Variants in CEP76 observed in about 807,000 individuals in gnomAD.
CEP76 encodes centrosomal protein of 76 kDa.
A neutral mutation model predicts 83.3 loss-of-function variants in CEP76; 55 were observed. The observed-to-expected ratio is 0.66, with a 90% confidence interval of 0.53 to 0.83. The LOEUF is 0.83. Ranked by LOEUF, CEP76 falls within the 40% of genes least tolerant of loss-of-function variation. CEP76 has a pLI of 0.00. For synonymous variants in CEP76, 270 were observed against 274.5 expected (o/e 0.98, Z 0.16); for missense variants, 694 against 799.5 (o/e 0.87, Z 1.59).
chr18:12,680,769 T>C lies in CEP76; in HGVS notation c.1182A>G (p.Glu394=), dbSNP rs1314864692. 2 of 1,613,494 alleles carry C rather than the reference T, an allele frequency of 1.2e-6. No individual in the cohort carries two copies. The highest frequency in any genetic ancestry group is 1.7e-6 in the Non-Finnish European group (2 of 1,179,780). The part of the protein sequence containing the change: ...LCSLLLGYGL[E]AFVCVGTKAK... ...CCTTGGTCCCAACACAAACAAAGGC[T>C]TCTAATCCATATCCAAGAAGAAGGC... The change falls in exon 9 of 12, where the codon GAA becomes GAG. Residue 394 remains glutamate (E), a synonymous_variant. Coordinates refer to ENST00000262127, the MANE Select transcript of CEP76 (RefSeq NM_024899.4).
chr18:12,683,283 C>T (rs978975617), intron 8 of CEP76, among the ~76,000 whole-genome samples: 5 of 149,456 alleles, frequency 3.3e-5, no homozygotes, highest in African/African-American at 4.9e-5. Context: ...GGCTGGGAGG[C>T]GGAGGTTGCA....
At chr18:12,667,291 C>G (rs745720716) in intron 12 of CEP76, among the ~76,000 whole-genome samples, 2 of 151,940 alleles carry the variant, frequency 1.3e-5, no homozygotes, top group African/African-American at 2.4e-5. Context: ...CTTGTCTCTA[C>G]AAAAAAATTT....
intron 10 of CEP76, among the ~76,000 whole-genome samples, chr18:12,677,025 C>T (rs1023568176): frequency 7.6e-4 from 116 of 152,218 alleles, no homozygotes; most frequent in African/African-American, 2.5e-3. Context: ...TCCCACCCCA[C>T]AGCTTCAATC....
downstream of CEP76, among the ~76,000 whole-genome samples, chr18:12,669,032 C>T (rs947079365): frequency 1.2e-4 from 5 of 41,958 alleles, no homozygotes; most frequent in South Asian, 6.7e-4. Flanking sequence ...ACCCCCCGCA[C>T]TTTTTTTTTT....
intron 9 of CEP76, among the ~76,000 whole-genome samples, chr18:12,678,831 C>T (rs1174994802): frequency 6.6e-6 from 1 of 152,072 alleles, no homozygotes; most frequent in African/African-American, 2.4e-5. Flanking sequence ...GAGCACGTGC[C>T]TGTAGTCCCA....
chr18:12,678,478 A>C, intron 9 of CEP76, 36 bp from the exon 10 acceptor site: 1 of 1,404,950 alleles, frequency 7.1e-7, no homozygotes, highest in Non-Finnish European at 9.7e-7. Context: ...ATGAGAACTT[A>C]AAAATTAAAA....
chr18:12,697,698 T>C lies in CEP76; in HGVS notation c.521-290A>G, dbSNP rs185862938. Among the ~76,000 whole-genome samples, 3 of 152,308 alleles carry C rather than the reference T, an allele frequency of 2.0e-5. No individual in the cohort carries two copies. The East Asian group carries it at 5.8e-4, about 29-fold the overall frequency. On this transcript the variant is annotated intron_variant, in intron 4 of 11. Coordinates refer to ENST00000262127, the MANE Select transcript of CEP76 (RefSeq NM_024899.4). Reference sequence around the variant, plus strand: ...GTTCTTTAAAAGTACTTAACTAAAGTATATGCTACTACAATAAAAAGCCTT... The same window carrying C: ...GTTCTTTAAAAGTACTTAACTAAAGCATATGCTACTACAATAAAAAGCCTT...
At position 12,687,881 on chromosome 18, in the gene CEP76, T is replaced by C. The variant is rs972749603; in HGVS notation, c.934-1431A>G. Among the ~76,000 whole-genome samples the C allele has an allele frequency of 4.6e-5, 7 of 152,112 alleles. No individual in the cohort carries two copies. In the East Asian group the frequency reaches 1.2e-3, roughly 25 times the overall value. ...AGTGTGGTATAAGAATACTAAGTCCTGAAATCACAAACTAAATATTAAAAG... is the reference window on the plus strand; with the variant it reads ...AGTGTGGTATAAGAATACTAAGTCCCGAAATCACAAACTAAATATTAAAAG... On this transcript the variant is annotated intron_variant, in intron 7 of 11. Coordinates refer to ENST00000262127, the MANE Select transcript of CEP76 (RefSeq NM_024899.4).
chr18:12,701,766 C>T (rs1298292755), intron 1 of CEP76, among the ~76,000 whole-genome samples: 1 of 152,160 alleles, frequency 6.6e-6, no homozygotes, highest in African/African-American at 2.4e-5. Flanking sequence ...TCTTCCATGA[C>T]TTATTTGAGA....
intron 11 of CEP76, among the ~76,000 whole-genome samples, chr18:12,674,226 C>G (rs1450308324): frequency 6.6e-6 from 1 of 151,838 alleles, no homozygotes. Flanking sequence ...TGCTTGAGCC[C>G]AGGAGTTCAA....
chr18:12,678,172 G>T lies in CEP76; in HGVS notation c.1560C>A (p.Asp520Glu). The change falls in exon 10 of 12, where the codon GAC becomes GAA. Residue 520 changes from aspartate (D) to glutamate (E), a missense_variant. Asp to Glu is a conservative substitution (Grantham distance 45). Coordinates refer to ENST00000262127, the MANE Select transcript of CEP76 (RefSeq NM_024899.4). ...CAATTTCATTACTTGTTACTGACGC[G>T]TCAATTGTGGATGCACACAGAGGTG... ...PFPPLCASTI[D>E]ASVTSNEIEM... 3.1e-6 allele frequency: 5 copies of T among 1,614,152 alleles called. No individual in the cohort carries two copies. Among genetic ancestry groups the T allele is most frequent in the Non-Finnish European group, 4.2e-6 (5 of 1,180,012 alleles).
At chr18:12,670,323 C>G (rs2144964121), downstream of CEP76, 1 of 150,808 alleles carries the variant, frequency 6.6e-6, no homozygotes, top group East Asian at 1.9e-4. Context: ...GAGTGAGACT[C>G]TGTCTCAAAA....
chr18:12,699,804 CTAAAT>C, intron 3 of CEP76, 21 bp downstream of exon 3: 2 of 1,301,498 alleles, frequency 1.5e-6, no homozygotes, highest in African/African-American at 1.5e-5. Flanking sequence ...TTAACCACAA[CTAAAT>C]TAATGTTAAA....
In CEP76 at chr18:12,697,355, T is replaced by C. The variant is rs35721431; in HGVS notation, c.574A>G (p.Ile192Val). 3.3e-4 allele frequency: 527 copies of C among 1,613,744 alleles called. 1 individual carries two copies. The African/African-American group carries it at 6.5e-3, about 20-fold the overall frequency. ...STTMLSISDP[I>V]HMVLIKTDIF... ...TCTGTTTTGATTAGCACCATATGAA[T>C]TGGATCACTTATTGATAACATTGTT... The change falls in exon 5 of 12, where the codon ATT becomes GTT. Residue 192 changes from isoleucine (I) to valine (V), a missense_variant. Coordinates refer to ENST00000262127, the MANE Select transcript of CEP76 (RefSeq NM_024899.4).
chr18:12,694,121 C>T (rs2039866408), intron 6 of CEP76, among the ~76,000 whole-genome samples: 1 of 152,146 alleles, frequency 6.6e-6, no homozygotes, highest in Non-Finnish European at 1.5e-5. Context: ...ATTTGAGTAA[C>T]ATCAAAGTTG....
intron 9 of CEP76, among the ~76,000 whole-genome samples, chr18:12,680,360 C>T (rs1309514077): frequency 6.6e-6 from 1 of 152,072 alleles, no homozygotes; most frequent in Non-Finnish European, 1.5e-5. Flanking sequence ...CTTTGGGAGG[C>T]TGAGGTAGGT....
At chr18:12,701,884 A>C (rs1240423013) in intron 1 of CEP76, among the ~76,000 whole-genome samples, 1 of 152,106 alleles carries the variant, frequency 6.6e-6, no homozygotes. Flanking sequence ...TAATCCCAGC[A>C]CTTTAGGAGG....
At chr18:12,675,339 T>C (rs1309526140) in intron 10 of CEP76, among the ~76,000 whole-genome samples, 1 of 151,928 alleles carries the variant, frequency 6.6e-6, no homozygotes, top group Non-Finnish European at 1.5e-5. Context: ...GAGCTTGCAG[T>C]GAGCCGAGAT....
At chr18:12,671,797 T>C (rs1316889986), downstream of CEP76, among the ~76,000 whole-genome samples, 1 of 152,024 alleles carries the variant, frequency 6.6e-6, no homozygotes, top group East Asian at 1.9e-4. Context: ...TGTGACACCA[T>C]GCCTAGCTAC....
Sources: gnomAD v4.1 joint callset for allele counts (sites outside exome capture counted in the v4.1 genomes callset) on GRCh38, gnomAD v4.1.1 for gene constraint, MANE v1.5 for transcripts, NCBI Gene and HGNC (gene_info 2026-07-23, HGNC 2026-07-21) for gene names.